Variants in PLG observed in about 807,000 individuals in gnomAD.
PLG encodes plasmin.
PLG carries 41 observed loss-of-function variants against 104.4 expected under a neutral mutation model. The ratio of observed to expected loss-of-function variants is 0.39; its 90% confidence interval spans 0.31 to 0.51. The LOEUF (loss-of-function observed/expected upper bound fraction) is 0.51. PLG is among the 20% of genes least tolerant of loss of function. The pLI, the probability that PLG is intolerant of heterozygous loss-of-function variation, is 0.76. For synonymous variants in PLG, 337 were observed against 357.1 expected, an observed-to-expected ratio of 0.94 and a Z score of 0.63; for missense variants, 891 against 1,003.6, an observed-to-expected ratio of 0.89 and a Z score of 1.52.
At chr6:160,720,419 T>C (rs1777811080) in intron 9 of PLG, among the ~76,000 whole-genome samples, 2 of 110,524 alleles carry the variant, frequency 1.8e-5, no homozygotes, top group Non-Finnish European at 3.7e-5. Flanking sequence ...TCTTTTTTTT[T>C]TTTTTTTTTT....
chr6:160,731,128 G>T lies in PLG; in HGVS notation c.1334G>T (p.Arg445Met), dbSNP rs769564214. ...TGTTTTACCACAGACCCCAGCGTCA[G>T]GTGGGAGTACTGCAACCTGAAAAAA... ...PWCFTTDPSV[R>M]WEYCNLKKCS... is the part of the protein sequence containing the mutation. The change falls in exon 11 of 19, where the codon AGG becomes ATG. Residue 445 changes from arginine (R) to methionine (M), a missense_variant. Arg to Met is a moderately conservative substitution (Grantham distance 91). This residue lies in a region of PLG where 854 missense variants were observed against 932.1 expected (regional missense o/e 0.92). Coordinates refer to ENST00000308192, the MANE Select transcript of PLG (RefSeq NM_000301.5). This position sits in a 1 kb window ranked among gnomAD's most constrained non-coding sequence, Gnocchi z 5.1. The T allele has an allele frequency of 1.1e-5, 18 of 1,614,048 alleles. No homozygotes were observed. Among genetic ancestry groups the T allele is most frequent in the Non-Finnish European group, 1.4e-5 (17 of 1,179,968 alleles).
In PLG at chr6:160,707,596, C is replaced by T. The variant is rs561687863; in HGVS notation, c.186-104C>T. 2.2e-5 allele frequency: 27 copies of T among 1,217,966 alleles called. No homozygotes were observed. The East Asian group carries it at 5.5e-4, about 25-fold the overall frequency. The allele number at this position is 1,217,966 out of a possible 1,614,324, so 75.4% of individuals were successfully genotyped here. A position where few individuals can be genotyped will look rare whatever the true frequency, so the allele number is the denominator to read the frequency against. On this transcript the variant is annotated intron_variant, in intron 2 of 18. Coordinates refer to ENST00000308192, the MANE Select transcript of PLG (RefSeq NM_000301.5). The stretch of plus-strand genomic sequence containing the variant: ...GGCAGCAATTCTGAGCTCTCTGGTC[C>T]CTCAAGATATTCAATGATCTTTAGC...
chr6:160,727,989 G>A (rs1043682206), intron 10 of PLG, among the ~76,000 whole-genome samples: 8 of 151,598 alleles, frequency 5.3e-5, no homozygotes, highest in African/African-American at 1.7e-4. Context: ...AGAAAGAAAG[G>A]GCCTAAAGTT....
chr6:160,736,861 G>A lies in PLG; in HGVS notation c.1682-26G>A, dbSNP rs1202484630. On this transcript the variant is annotated intron_variant, in intron 13 of 18. Transcript: ENST00000308192. The surrounding 1 kb of genome is among the most constrained non-coding windows in gnomAD (Gnocchi z 5.2). The stretch of plus-strand genomic sequence containing the variant: ...AAAATTGCTACCTTGTCTCAAATGG[G>A]ATTTCTTTCCCACCTTGTGCCACAG... 1 of 1,613,030 alleles carries A rather than the reference G, an allele frequency of 6.2e-7. No homozygotes were observed. The highest frequency in any genetic ancestry group is 1.7e-5 in the Admixed American group (1 of 59,988).
chr6:160,711,241 TC>T, intron 4 of PLG, 50 bp downstream of exon 4: 2 of 1,560,048 alleles, frequency 1.3e-6, no homozygotes, highest in South Asian at 2.3e-5. Flanking sequence ...AAGTTGTCCC[TC>T]TGTGTCTGTG....
chr6:160,748,581 C>T (rs530107490), intron 17 of PLG, among the ~76,000 whole-genome samples: 15 of 151,976 alleles, frequency 9.9e-5, no homozygotes, highest in African/African-American at 3.4e-4. Flanking sequence ...AAGCACCAAG[C>T]ACATGCTAAG....
intron 17 of PLG, among the ~76,000 whole-genome samples, chr6:160,746,027 G>C (rs943126595): frequency 1.3e-5 from 2 of 152,088 alleles, no homozygotes; most frequent in East Asian, 1.9e-4. Context: ...CTTTGTAGAC[G>C]ACCTGTCCTT....
In PLG at chr6:160,718,817, A is replaced by C; in HGVS notation, c.1075A>C (p.Thr359Pro). 6.2e-7 allele frequency: 1 copy of C among 1,613,928 alleles called. No homozygotes were observed. Among genetic ancestry groups the C allele is most frequent in the Non-Finnish European group, 8.5e-7 (1 of 1,179,828 alleles). The change falls in exon 9 of 19, where the codon ACG becomes CCG. Residue 359 changes from threonine (T) to proline (P), a missense_variant. Thr to Pro is a conservative substitution (Grantham distance 38). Coordinates refer to ENST00000308192, the MANE Select transcript of PLG (RefSeq NM_000301.5). ...GTCCTGTGACTCCTCCCCAGTATCCACGGAACAATTGGCTCCCACAGGTAA... is the reference window on the plus strand; with the variant it reads ...GTCCTGTGACTCCTCCCCAGTATCCCCGGAACAATTGGCTCCCACAGGTAA... ...IPSCDSSPVS[T>P]EQLAPTAPPE...
chr6:160,718,912 A>G (rs1777789100), intron 9 of PLG, 74 bp downstream of exon 9: 2 of 1,253,978 alleles, frequency 1.6e-6, no homozygotes, highest in African/African-American at 2.9e-5. Context: ...GCATCATCAC[A>G]ATATACAGTA....
At chr6:160,742,066 T>G (rs1291312581) in intron 17 of PLG, among the ~76,000 whole-genome samples, 1 of 152,244 alleles carries the variant, frequency 6.6e-6, no homozygotes, top group Non-Finnish European at 1.5e-5. Flanking sequence ...GTGTCATTGA[T>G]GGTCATATAG....
At chr6:160,749,645 TACC>T (rs1315253546) in intron 17 of PLG, among the ~76,000 whole-genome samples, 3 of 135,500 alleles carry the variant, frequency 2.2e-5, no homozygotes, top group East Asian at 4.8e-4. Flanking sequence ...CCACCACCAC[TACC>T]ACCACCATCA....
Position 160,714,850 on chromosome 6 carries a change from T to G in PLG, c.604T>G (p.Ser202Ala), listed in dbSNP as rs943490846. 6.2e-7 allele frequency: 1 copy of G among 1,612,584 alleles called. No homozygotes were observed. Among genetic ancestry groups the G allele is most frequent in the Admixed American group, 1.7e-5 (1 of 60,018 alleles). The part of the protein sequence containing the change: ...NYDGKISKTM[S>A]GLECQAWDSQ... Reference sequence around the variant, plus strand: ...TGACGGCAAAATTTCCAAGACCATGTCTGGACTGGAATGCCAGGCCTGGGA... The same window carrying G: ...TGACGGCAAAATTTCCAAGACCATGGCTGGACTGGAATGCCAGGCCTGGGA... Residue 202 changes from serine to alanine, a missense_variant, in exon 6 of 19, where the codon TCT becomes GCT. Physicochemically the swap from Ser to Ala is moderately conservative, Grantham distance 99. This residue lies in a region of PLG where 854 missense variants were observed against 932.1 expected (regional missense o/e 0.92). Transcript: ENST00000308192.
chr6:160,731,833 G>T lies in PLG; in HGVS notation c.1527G>T (p.Glu509Asp), dbSNP rs765921106. 1 of 1,613,964 alleles carries T rather than the reference G, an allele frequency of 6.2e-7. No homozygotes were observed. Among genetic ancestry groups the T allele is most frequent in the African/African-American group, 1.3e-5 (1 of 74,910 alleles). The change falls in exon 12 of 19, where the codon GAG becomes GAT. Residue 509 changes from glutamate to aspartate, a missense_variant. Transcript: ENST00000308192. This position sits in a 1 kb window ranked among gnomAD's most constrained non-coding sequence, Gnocchi z 5.1. ...GTPCQDWAAQ[E>D]PHRHSIFTPE... Reference sequence around the variant, plus strand: ...CATGCCAGGACTGGGCTGCCCAGGAGCCCCATAGACACAGCATTTTCACTC... The same window carrying T: ...CATGCCAGGACTGGGCTGCCCAGGATCCCCATAGACACAGCATTTTCACTC...
At chr6:160,713,842 T>C (rs1777686743) in intron 5 of PLG, among the ~76,000 whole-genome samples, 1 of 152,228 alleles carries the variant, frequency 6.6e-6, no homozygotes, top group Non-Finnish European at 1.5e-5. Context: ...CTGAGCAATT[T>C]AATAGTGCAC....
rs4252101 is a variant in PLG, at chr6:160,714,659, T to A, written c.548-135T>A. ...CCTTATTGCCAATTTTATTGCCAAG[T>A]GCCTGTTGTGAATTACATCGGAATG... On this transcript the variant is annotated intron_variant, in intron 5 of 18. Coordinates refer to ENST00000308192, the MANE Select transcript of PLG (RefSeq NM_000301.5). The A allele has an allele frequency of 2.7e-3, 1,970 of 738,498 alleles. 28 individuals carry two copies. In the African/African-American group the frequency reaches 0.032, roughly 12 times the overall value. 45.7% of individuals were successfully genotyped at this position (738,498 alleles called of 1,614,324 possible).
chr6:160,706,365 G>A (rs1205608856), intron 1 of PLG, 42 bp from the exon 2 acceptor site: 1 of 1,610,220 alleles, frequency 6.2e-7, no homozygotes, highest in Non-Finnish European at 8.5e-7. Flanking sequence ...CATTGACATT[G>A]ATTTACTGAC....
intron 9 of PLG, 112 bp downstream of exon 9, chr6:160,718,950 C>A: frequency 1.0e-6 from 1 of 953,120 alleles, no homozygotes; most frequent in South Asian, 1.4e-5. Flanking sequence ...CTATTGTGGT[C>A]AGAAAGCCTG....
rs2115181448 is a variant in PLG at position 160,740,909 on chromosome 6, A to G, written c.2019-402A>G. 6.6e-6 allele frequency among the ~76,000 whole-genome samples: 1 copy of G among 152,288 alleles called. No homozygotes were observed. Among genetic ancestry groups the G allele is most frequent in the South Asian group, 2.1e-4 (1 of 4,822 alleles). On this transcript the variant is annotated intron_variant, in intron 16 of 18. Transcript: ENST00000308192. The surrounding 1 kb of genome is among the most constrained non-coding windows in gnomAD (Gnocchi z 5.2). ...TGCTCTGGGCACACAACACATTTGC[A>G]ATTTTACAGCCTCTTGGTGGCATCT...
Position 160,722,408 on chromosome 6 carries a change from C to T in PLG, c.1097C>T (p.Ala366Val), listed in dbSNP as rs766685527. ...TTGATTTCTTTTATTTTAATTTCAG[C>T]ACCACCTGAGCTAACCCCTGTGGTC... Reference protein sequence around the residue: ...PVSTEQLAPTAPPELTPVVQD... With the variant: ...PVSTEQLAPTVPPELTPVVQD... The change falls in exon 10 of 19, where the codon GCA (alanine) becomes GTA (valine). Residue 366 changes from alanine (A) to valine (V), a missense_variant and splice_region_variant. Physicochemically the swap from Ala to Val is moderately conservative, Grantham distance 64. Transcript: ENST00000308192. The T allele has an allele frequency of 1.2e-6, 2 of 1,607,022 alleles. No homozygotes were observed. The highest frequency in any genetic ancestry group is 1.7e-5 in the Admixed American group (1 of 59,946).
Sources: allele counts gnomAD v4.1 joint callset (sites outside exome capture counted in the v4.1 genomes callset), GRCh38; gene constraint gnomAD v4.1.1; regional missense constraint gnomAD v4.1.1; non-coding constraint Gnocchi (gnomAD v3.1); transcripts MANE v1.5; gene names NCBI Gene and HGNC (gene_info 2026-07-23, HGNC 2026-07-21).